Variants in GPC5 observed in about 807,000 individuals in gnomAD.
GPC5 encodes the protein glypican 5, also known as glypican-5.
In GPC5, 47 loss-of-function variants were observed where a neutral mutation model predicts 53.9. The observed-to-expected ratio is 0.87, with a 90% CI of 0.69 to 1.11. The LOEUF (loss-of-function observed/expected upper bound fraction) is 1.11, where lower values mean the gene tolerates loss of function less well. Ranked by LOEUF, GPC5 falls within the 50% of genes most tolerant of loss-of-function variation. The pLI is 0.00. For synonymous variants in GPC5, 286 were observed against 263.3 expected, an observed-to-expected ratio of 1.09 and a Z score of -0.84; for missense variants, 748 against 713.1, an observed-to-expected ratio of 1.05 and a Z score of -0.56.
At chr13:92,753,994 C>G (rs56404803) in intron 7 of GPC5, among the ~76,000 whole-genome samples, 54,210 of 151,476 alleles carry the variant, frequency 0.36, 10,893 homozygotes, top group East Asian at 0.75. Flanking sequence ...CAAAGATACT[C>G]CTCAAGAAGA....
At chr13:92,375,417 G>A (rs959407172) in intron 7 of GPC5, among the ~76,000 whole-genome samples, 2 of 152,020 alleles carry the variant, frequency 1.3e-5, no homozygotes, top group African/African-American at 4.8e-5. Flanking sequence ...AACTGTAAAG[G>A]CTGTAGCCTT....
intron 5 of GPC5, among the ~76,000 whole-genome samples, chr13:91,907,503 T>TATATATATATATATATA (rs2039566577): frequency 7.7e-6 from 1 of 129,544 alleles, no homozygotes; most frequent in African/African-American, 3.0e-5. Context: ...CTCTCTCTCT[T>TATATATATATATATATA]TATATATATA....
chr13:91,674,140 A>G (rs1180449738), intron 2 of GPC5, among the ~76,000 whole-genome samples: 2 of 152,154 alleles, frequency 1.3e-5, no homozygotes, highest in Admixed American at 1.3e-4. Context: ...CAAGTATTTG[A>G]TGTTATATGG....
At chr13:91,432,021 G>A (rs1294905741) in intron 1 of GPC5, among the ~76,000 whole-genome samples, 4 of 152,172 alleles carry the variant, frequency 2.6e-5, no homozygotes, top group Non-Finnish European at 5.9e-5. Context: ...GCTGTGCCAT[G>A]TGGGTATGGT....
intron 1 of GPC5, among the ~76,000 whole-genome samples, chr13:91,415,069 C>T (rs1878091531): frequency 1.3e-5 from 2 of 152,186 alleles, no homozygotes; most frequent in Non-Finnish European, 2.9e-5. Flanking sequence ...CCTTGCCTCC[C>T]TGTTGCTGGA....
Position 92,571,283 on chromosome 13 carries a change from G to T in GPC5, c.1562-294999G>T, listed in dbSNP as rs1883014311. 2.6e-5 allele frequency among the ~76,000 whole-genome samples: 4 copies of T among 152,234 alleles called. No homozygotes were observed. In the South Asian group the frequency reaches 8.3e-4, roughly 32 times the overall value. Reference sequence around the variant, plus strand: ...ATTCTCACCATAATCCTGAAGTATAGAGAGACAGCAACTCTGTGCATTTCA... The same window carrying T: ...ATTCTCACCATAATCCTGAAGTATATAGAGACAGCAACTCTGTGCATTTCA... On this transcript the variant is annotated intron_variant, in intron 7 of 7. Transcript: ENST00000377067.
chr13:92,850,248 C>T (rs1878748433), intron 7 of GPC5, among the ~76,000 whole-genome samples: 2 of 152,148 alleles, frequency 1.3e-5, no homozygotes, highest in African/African-American at 4.8e-5. Flanking sequence ...AGCCAACTCC[C>T]TCACAGCATT....
intron 7 of GPC5, among the ~76,000 whole-genome samples, chr13:92,456,464 G>A (rs2149066): frequency 0.58 from 87,357 of 151,860 alleles, 25,765 homozygotes; most frequent in East Asian, 0.87. Context: ...CTCCCTTTCC[G>A]TCATCCATCC....
intron 7 of GPC5, among the ~76,000 whole-genome samples, chr13:92,421,931 A>T (rs2139363159): frequency 6.6e-6 from 1 of 152,072 alleles, no homozygotes; most frequent in South Asian, 2.1e-4. Context: ...TCCAGCTTGG[A>T]ATACATACCT....
At chr13:91,587,398 A>G (rs983818616) in intron 2 of GPC5, among the ~76,000 whole-genome samples, 2 of 152,202 alleles carry the variant, frequency 1.3e-5, no homozygotes, top group Non-Finnish European at 2.9e-5. Flanking sequence ...TATGCATAAA[A>G]TAAGGCATAT....
chr13:92,409,821 G>T (rs868098384), intron 7 of GPC5, among the ~76,000 whole-genome samples: 1 of 152,094 alleles, frequency 6.6e-6, no homozygotes, highest in African/African-American at 2.4e-5. Flanking sequence ...AATAAATTAT[G>T]ATACATTTAT....
intron 7 of GPC5, among the ~76,000 whole-genome samples, chr13:92,837,697 T>C (rs1401104159): frequency 6.6e-6 from 1 of 151,898 alleles, no homozygotes; most frequent in African/African-American, 2.4e-5. Flanking sequence ...AGTATCAGAG[T>C]ATAAAACTAC....
At chr13:92,077,040 T>C (rs1486449253) in intron 6 of GPC5, among the ~76,000 whole-genome samples, 3 of 152,176 alleles carry the variant, frequency 2.0e-5, no homozygotes, top group African/African-American at 7.2e-5. Context: ...ACTCAACCAA[T>C]TGTCAATTGG....
At chr13:91,535,852 C>T (rs1886567691) in intron 2 of GPC5, among the ~76,000 whole-genome samples, 1 of 151,908 alleles carries the variant, frequency 6.6e-6, no homozygotes, top group African/African-American at 2.4e-5. Context: ...TATTAGTATT[C>T]ACTAATAATA....
In GPC5 at chr13:91,565,536, A is replaced by G. The variant is rs1312602111; in HGVS notation, c.325+116614A>G. Among the ~76,000 whole-genome samples, 26 of 152,180 alleles carry G rather than the reference A, an allele frequency of 1.7e-4. 2 individuals are homozygous for G. The highest frequency in any genetic ancestry group is 1.7e-3 in the Admixed American group (26 of 15,272). On this transcript the variant is annotated intron_variant, in intron 2 of 7. Transcript: ENST00000377067. ...GTTTGGGGAAGAGGCTGTTATTGGC[A>G]GGGAATCCTAGGCAAGATCCAGGAA...
At chr13:92,355,081 T>C (rs955263974) in intron 7 of GPC5, among the ~76,000 whole-genome samples, 1 of 151,656 alleles carries the variant, frequency 6.6e-6, no homozygotes, top group Non-Finnish European at 1.5e-5. Context: ...ATTAGCTCTA[T>C]GCCTAAATGT....
chr13:92,539,621 C>A (rs2139000320), intron 7 of GPC5, among the ~76,000 whole-genome samples: 1 of 151,944 alleles, frequency 6.6e-6, no homozygotes, highest in South Asian at 2.1e-4. Flanking sequence ...CTGTAGGTTG[C>A]CTGTTCACTC....
chr13:92,347,876 T>G (rs1421550754), intron 7 of GPC5, among the ~76,000 whole-genome samples: 22 of 2,010 alleles, frequency 0.011, 9 homozygotes, highest in African/African-American at 0.034. Context: ...ATATATATAA[T>G]ATATATTATA....
chr13:92,233,872 T>C (rs2042550007), intron 7 of GPC5, among the ~76,000 whole-genome samples: 1 of 151,736 alleles, frequency 6.6e-6, no homozygotes, highest in Non-Finnish European at 1.5e-5. Flanking sequence ...TGTGTTCTCA[T>C]TGTTCAATTC....
Sources: allele counts gnomAD v4.1 joint callset (sites outside exome capture counted in the v4.1 genomes callset), GRCh38; gene constraint gnomAD v4.1.1; transcripts MANE v1.5; gene names NCBI Gene and HGNC (gene_info 2026-07-23, HGNC 2026-07-21).